The following PTPN4 variants were observed in gnomAD, a reference collection of about 807,000 sequenced individuals.
The protein encoded by PTPN4 is protein tyrosine phosphatase non-receptor type 4.
Under a neutral mutation model 135.5 loss-of-function variants are expected in PTPN4, and 49 were observed. That is an observed-to-expected ratio of 0.36 (90% CI 0.29 to 0.46). PTPN4 has a LOEUF of 0.46. Ranked by LOEUF, PTPN4 falls within the 20% of genes least tolerant of loss-of-function variation. The pLI is 1.00. For missense variants in PTPN4, 860 were observed against 1,101.0 expected, an observed-to-expected ratio of 0.78 and a Z score of 3.10; for synonymous variants, 333 against 369.9, an observed-to-expected ratio of 0.90 and a Z score of 1.14.
rs1174611482 is a variant in PTPN4, at chr2:119,952,044, A to G, written c.1728A>G (p.Glu576=). 1.2e-6 allele frequency: 2 copies of G among 1,613,462 alleles called. No individual in the cohort carries two copies. The highest frequency in any genetic ancestry group is 4.5e-5 in the East Asian group (2 of 44,862). ...VVLINGRDIA[E]HTHDQVVLFI... ...TGATCAATGGTCGGGACATTGCAGA[A>G]CACACTCATGATCAGGTTGTGCTGT... The change falls in exon 19 of 27, where the codon GAA becomes GAG. Residue 576 remains glutamate, a synonymous_variant. Coordinates refer to ENST00000263708, the MANE Select transcript of PTPN4 (RefSeq NM_002830.4).
intron 3 of PTPN4, among the ~76,000 whole-genome samples, chr2:119,864,573 C>A (rs1353095853): frequency 2.6e-5 from 4 of 151,962 alleles, no homozygotes; most frequent in Non-Finnish European, 5.9e-5. Flanking sequence ...GAGGAAGAGA[C>A]CAGTGACTCA....
chr2:119,801,885 T>TC (rs1171902784), intron 1 of PTPN4, among the ~76,000 whole-genome samples: 1 of 150,702 alleles, frequency 6.6e-6, no homozygotes, highest in Admixed American at 6.7e-5. Context: ...TTCTGTTTTT[T>TC]CTTTCTTTCT....
intron 2 of PTPN4, among the ~76,000 whole-genome samples, chr2:119,828,321 A>T (rs1193391180): frequency 6.6e-6 from 1 of 152,262 alleles, no homozygotes; most frequent in Non-Finnish European, 1.5e-5. Context: ...GGGCCCAGTC[A>T]ACCCACAGAA....
At chr2:119,838,350 C>T (rs556356155) in intron 2 of PTPN4, among the ~76,000 whole-genome samples, 25 of 152,042 alleles carry the variant, frequency 1.6e-4, no homozygotes, top group African/African-American at 5.8e-4. Context: ...GCAGAAGGTG[C>T]CGCCAGCCAC....
At chr2:119,865,326 TCTG>T (rs1045958623) in intron 3 of PTPN4, among the ~76,000 whole-genome samples, 2 of 152,136 alleles carry the variant, frequency 1.3e-5, no homozygotes, top group Admixed American at 6.6e-5. Context: ...TTATAAAACA[TCTG>T]CTGTGAATTT....
intron 2 of PTPN4, among the ~76,000 whole-genome samples, chr2:119,829,495 C>A (rs1677189984): frequency 6.6e-6 from 1 of 152,216 alleles, no homozygotes; most frequent in Non-Finnish European, 1.5e-5. Context: ...TCTCTCCCCT[C>A]AGCTCCTGTT....
At position 119,895,262 on chromosome 2, in the gene PTPN4, A is replaced by G. The variant is rs151192378; in HGVS notation, c.676-5456A>G. 4.2e-3 allele frequency among the ~76,000 whole-genome samples: 634 copies of G among 152,330 alleles called. 3 individuals are homozygous for G. The highest frequency in any genetic ancestry group is 0.014 in the Middle Eastern group (4 of 294). On this transcript the variant is annotated intron_variant, in intron 9 of 26. Coordinates refer to ENST00000263708, the MANE Select transcript of PTPN4 (RefSeq NM_002830.4). Reference sequence around the variant, plus strand: ...ACCGTGTAAAATTAATGTTGTTCTTATGTACATCATAACATTGAGTGGGTT... The same window carrying G: ...ACCGTGTAAAATTAATGTTGTTCTTGTGTACATCATAACATTGAGTGGGTT...
intron 12 of PTPN4, among the ~76,000 whole-genome samples, chr2:119,924,715 TA>T (rs72180883): frequency 0.34 from 51,108 of 151,814 alleles, 9,122 homozygotes; most frequent in African/African-American, 0.45. Context: ...TCATTAATTT[TA>T]AAAAAAATTG....
At chr2:119,772,050 G>A (rs999371714) in intron 1 of PTPN4, among the ~76,000 whole-genome samples, 1 of 152,190 alleles carries the variant, frequency 6.6e-6, no homozygotes. Flanking sequence ...TATTATTTTT[G>A]TGTGTTTCTT....
At chr2:119,762,214 A>T (rs1004703357) in intron 1 of PTPN4, among the ~76,000 whole-genome samples, 6 of 152,112 alleles carry the variant, frequency 3.9e-5, no homozygotes, top group Non-Finnish European at 7.4e-5. Context: ...AAGGACTTTT[A>T]AAAAAAGTAT....
chr2:119,794,281 G>A lies in PTPN4; in HGVS notation c.-17-15556G>A, dbSNP rs576643498. ...AGCCAGCTGGAAACCTCTGTGGCCA[G>A]TGGCGCCTTTGCCTGAGTTTTGTTC... On this transcript the variant is annotated intron_variant, in intron 1 of 26. Transcript: ENST00000263708. Among the ~76,000 whole-genome samples the A allele has an allele frequency of 4.4e-4, 67 of 152,358 alleles. 1 individual carries two copies. The highest frequency in any genetic ancestry group is 1.6e-3 in the African/African-American group (66 of 41,592).
At chr2:119,794,837 T>C (rs1691222165) in intron 1 of PTPN4, among the ~76,000 whole-genome samples, 1 of 152,190 alleles carries the variant, frequency 6.6e-6, no homozygotes, top group South Asian at 2.1e-4. Flanking sequence ...GAATGAGGTA[T>C]GCAGACAAGT....
At chr2:119,811,563 T>C (rs1676874680) in intron 2 of PTPN4, among the ~76,000 whole-genome samples, 1 of 152,178 alleles carries the variant, frequency 6.6e-6, no homozygotes, top group Admixed American at 6.5e-5. Flanking sequence ...AATTTCTATT[T>C]AATAGAAACT....
intron 3 of PTPN4, among the ~76,000 whole-genome samples, chr2:119,867,150 CATG>C (rs2104991040): frequency 6.6e-6 from 1 of 152,228 alleles, no homozygotes; most frequent in East Asian, 1.9e-4. Context: ...TTGAGCATTA[CATG>C]ATATCATGAA....
chr2:119,787,494 G>A (rs940912384), intron 1 of PTPN4, among the ~76,000 whole-genome samples: 3 of 152,110 alleles, frequency 2.0e-5, no homozygotes, highest in African/African-American at 4.8e-5. Context: ...AACACTTTAT[G>A]TATGTAATAC....
At chr2:119,961,139 A>G (rs891455796) in intron 23 of PTPN4, among the ~76,000 whole-genome samples, 186 bp downstream of exon 23, 8 of 152,244 alleles carry the variant, frequency 5.3e-5, no homozygotes, top group African/African-American at 1.2e-4. Context: ...TAAATGTGAC[A>G]TAAGTGTTAG....
chr2:119,867,213 T>C (rs562298326), intron 3 of PTPN4, among the ~76,000 whole-genome samples: 4 of 152,220 alleles, frequency 2.6e-5, no homozygotes, highest in Non-Finnish European at 5.9e-5. Flanking sequence ...AATTTATTTA[T>C]ATGACTAAAC....
chr2:119,848,868 G>A (rs1677548442), intron 2 of PTPN4, among the ~76,000 whole-genome samples: 1 of 152,044 alleles, frequency 6.6e-6, no homozygotes, highest in Non-Finnish European at 1.5e-5. Flanking sequence ...CAAAGTGCTG[G>A]GATTACAGGC....
At chr2:119,813,155 G>A (rs980257545) in intron 2 of PTPN4, among the ~76,000 whole-genome samples, 48 of 152,104 alleles carry the variant, frequency 3.2e-4, no homozygotes, top group Non-Finnish European at 7.1e-4. Context: ...TCACTCACAT[G>A]GCTGTTACCT....
Sources: gnomAD v4.1 joint callset for allele counts (sites outside exome capture counted in the v4.1 genomes callset) on GRCh38, gnomAD v4.1.1 for gene constraint, MANE v1.5 for transcripts, NCBI Gene and HGNC (gene_info 2026-07-23, HGNC 2026-07-21) for gene names.